The following PDHB variants were observed in gnomAD, a reference collection of about 807,000 sequenced individuals.
The protein encoded by PDHB is pyruvate dehydrogenase E1 component subunit beta, mitochondrial.
A neutral mutation model predicts 42.8 loss-of-function variants in PDHB; 17 were observed. That is an observed-to-expected ratio of 0.40 (90% CI 0.27 to 0.60). PDHB has a LOEUF of 0.60. Ranked by LOEUF, PDHB falls within the 20% of genes least tolerant of loss-of-function variation. The probability of loss-of-function intolerance (pLI) is 0.46; values close to 1 mark genes in which losing one functional copy is unlikely to be tolerated. For missense variants in PDHB, 322 were observed against 451.3 expected (o/e 0.71, Z 2.60); for synonymous variants, 154 against 148.7 (o/e 1.04, Z -0.26).
Position 58,431,710 on chromosome 3 carries a change from G to T in PDHB, c.267+21C>A. On this transcript the variant is annotated intron_variant, in intron 4 of 9. Transcript: ENST00000302746. This position sits in a 1 kb window ranked among gnomAD's most constrained non-coding sequence, Gnocchi z 4.4. ...CTAACAGACATGCCCTCCAGGGTCT[G>T]CTTCCCACTGGAAGGCTTACCTCTG... The T allele has an allele frequency of 6.2e-7, 1 of 1,604,988 alleles. No individual in the cohort carries two copies. The highest frequency in any genetic ancestry group is 8.5e-7 in the Non-Finnish European group (1 of 1,171,614).
Position 58,431,731 on chromosome 3 carries a change from C to T in PDHB, c.267G>A (p.Glu89=). Residue 89 remains glutamate, a splice_region_variant and synonymous_variant, in exon 4 of 10, where the codon GAG becomes GAA. Coordinates refer to ENST00000302746, the MANE Select transcript of PDHB (RefSeq NM_000925.4). The surrounding 1 kb of genome is among the most constrained non-coding windows in gnomAD (Gnocchi z 4.4). ...DKRIIDTPIS[E]MGFAGIAVGA... is the part of the protein sequence containing the mutation. ...GTCTGCTTCCCACTGGAAGGCTTAC[C>T]TCTGATATGGGAGTGTCAATAATCC... 1 of 1,613,056 alleles carries T rather than the reference C, an allele frequency of 6.2e-7. No homozygotes were observed. The highest frequency in any genetic ancestry group is 8.5e-7 in the Non-Finnish European group (1 of 1,179,046).
rs1403374759 is a variant in PDHB, at chr3:58,433,789, C to A, written c.21G>T (p.Leu7Phe). 2 of 1,611,870 alleles carry A rather than the reference C, an allele frequency of 1.2e-6. No individual in the cohort carries two copies. Among genetic ancestry groups the A allele is most frequent in the Non-Finnish European group, 1.7e-6 (2 of 1,179,528 alleles). Residue 7 changes from leucine to phenylalanine, a missense_variant, in exon 1 of 10, where the codon TTG (leucine) becomes TTT (phenylalanine). Coordinates refer to ENST00000302746, the MANE Select transcript of PDHB (RefSeq NM_000925.4). MAAVSG[L>F]VRRPLREVSG... ...CTACCTCCCGAAGGGGTCTCCGCAC[C>A]AAGCCAGACACCGCCGCCATCTTGG...
chr3:58,430,287 G>T, intron 6 of PDHB, 49 bp from the exon 7 acceptor site: 1 of 1,188,308 alleles, frequency 8.4e-7, no homozygotes, highest in Non-Finnish European at 1.2e-6. Flanking sequence ...CATCCAGAAT[G>T]ACTAAAACTG....
rs1181823602 is a variant in PDHB, at chr3:58,431,840, A to G, written c.204+37T>C. 6.2e-7 allele frequency: 1 copy of G among 1,606,538 alleles called. No individual in the cohort carries two copies. Among genetic ancestry groups the G allele is most frequent in the Non-Finnish European group, 8.5e-7 (1 of 1,173,262 alleles). On this transcript the variant is annotated intron_variant, in intron 3 of 9. Coordinates refer to ENST00000302746, the MANE Select transcript of PDHB (RefSeq NM_000925.4). The surrounding 1 kb of genome is among the most constrained non-coding windows in gnomAD (Gnocchi z 4.4). ...TTAAGTGTATCTGGGGGTAACAGTG[A>G]CCTCAATTTTGTATAACTTTCATAT...
In PDHB at chr3:58,431,975, G is replaced by A. The variant is rs763842440; in HGVS notation, c.106C>T (p.Arg36Cys). 6.8e-6 allele frequency: 11 copies of A among 1,610,206 alleles called. No homozygotes were observed. Among genetic ancestry groups the A allele is most frequent in the South Asian group, 1.1e-5 (1 of 90,994 alleles). ...TAPAALQVTV[R>C]DAINQGMDEE... ...TCCATACCCTGATTTATAGCATCAC[G>A]AACTGTCACCTGTCACAGGTATGCA... The change falls in exon 3 of 10, where the codon CGT (arginine) becomes TGT (cysteine). Residue 36 changes from arginine (R) to cysteine (C), a missense_variant. Physicochemically the swap from Arg to Cys is radical, Grantham distance 180 (BLOSUM62 -3). Transcript: ENST00000302746. The surrounding 1 kb of genome is among the most constrained non-coding windows in gnomAD (Gnocchi z 4.4).
chr3:58,433,630 C>T lies in PDHB; in HGVS notation c.96+1G>A. 1 of 1,610,248 alleles carries T rather than the reference C, an allele frequency of 6.2e-7. No homozygotes were observed. Among genetic ancestry groups the T allele is most frequent in the East Asian group, 2.2e-5 (1 of 44,794 alleles). ...GTCCGACGAGCACCCGCGCCTGTTACCTGCAGCGCAGCCGGCGCGGTCCAG... is the reference window on the plus strand; with the variant it reads ...GTCCGACGAGCACCCGCGCCTGTTATCTGCAGCGCAGCCGGCGCGGTCCAG... On this transcript the variant is annotated splice_donor_variant, in intron 2 of 9. Coordinates refer to ENST00000302746, the MANE Select transcript of PDHB (RefSeq NM_000925.4). LOFTEE classifies it high-confidence loss of function.
Position 58,431,091 on chromosome 3 carries a change from G to A in PDHB, c.304-149C>T. The A allele has an allele frequency of 1.3e-6, 1 of 775,078 alleles. No homozygotes were observed. The highest frequency in any genetic ancestry group is 1.6e-5 in the South Asian group (1 of 61,946). 48.0% of individuals were successfully genotyped at this position (775,078 alleles called of 1,614,324 possible). A position where few individuals can be genotyped will look rare whatever the true frequency, so the allele number is the denominator to read the frequency against. Reference sequence around the variant, plus strand: ...ACAGGGTCTCACTGTCACCCATGCTGGAGTGCAGTGGCACACATCATAGCT... The same window carrying A: ...ACAGGGTCTCACTGTCACCCATGCTAGAGTGCAGTGGCACACATCATAGCT... On this transcript the variant is annotated intron_variant, in intron 5 of 9. Transcript: ENST00000302746. The surrounding 1 kb of genome is among the most constrained non-coding windows in gnomAD (Gnocchi z 4.4).
rs1304793869 is a variant in PDHB, at chr3:58,430,063, A to G, written c.700+65T>C. The G allele has an allele frequency of 6.1e-6, 6 of 991,034 alleles. No individual in the cohort carries two copies. In the African/African-American group the frequency reaches 8.1e-5, roughly 13 times the overall value. 61.4% of individuals were successfully genotyped at this position (991,034 alleles called of 1,614,324 possible). A position where few individuals can be genotyped will look rare whatever the true frequency, so the allele number is the denominator to read the frequency against. ...CAAAGTAAATGACAGTAACTTCTAG[A>G]TTAAATTTTACCAAAATTGAGGGGC... On this transcript the variant is annotated intron_variant, in intron 7 of 9. Coordinates refer to ENST00000302746, the MANE Select transcript of PDHB (RefSeq NM_000925.4).
chr3:58,429,439 T>C (rs979350377), intron 8 of PDHB, among the ~76,000 whole-genome samples: 8 of 151,554 alleles, frequency 5.3e-5, no homozygotes, highest in African/African-American at 1.9e-4. Context: ...AAAGCCTGTT[T>C]TTTTCTCTCT....
Position 58,430,668 on chromosome 3 carries a change from T to A in PDHB, c.578A>T (p.Asp193Val). ...AKGLIKSAIR[D>V]NNPVVVLENE... is the part of the protein sequence containing the mutation. The stretch of plus-strand genomic sequence containing the variant: ...GTCCCTGTGCTGACCTGGATTGTTA[T>A]CCCGAATGGCTGATTTAATAAGTCC... The change falls in exon 6 of 10, where the codon GAT (aspartate) becomes GTT (valine). Residue 193 changes from aspartate to valine, a missense_variant. By Grantham distance (152) the Asp-to-Val change is radical. Coordinates refer to ENST00000302746, the MANE Select transcript of PDHB (RefSeq NM_000925.4). The A allele has an allele frequency of 6.2e-7, 1 of 1,613,540 alleles. No individual in the cohort carries two copies.
chr3:58,428,669 T>C (rs1186283815), intron 8 of PDHB, 55 bp from the exon 9 acceptor site: 6 of 1,453,530 alleles, frequency 4.1e-6, no homozygotes, highest in Non-Finnish European at 5.8e-6. Context: ...AATAGAGCCT[T>C]ATCCCCATAA....
chr3:58,430,300 T>C (rs2062909452), intron 6 of PDHB, 62 bp from the exon 7 acceptor site: 4 of 1,055,020 alleles, frequency 3.8e-6, no homozygotes, highest in Admixed American at 3.6e-5. Flanking sequence ...TAAAACTGCA[T>C]AGAAAGCAAT....
rs2062943716 is a variant in PDHB at position 58,433,645 on chromosome 3, G to A, written c.82C>T (p.Pro28Ser). 2 of 1,611,820 alleles carry A rather than the reference G, an allele frequency of 1.2e-6. No individual in the cohort carries two copies. Among genetic ancestry groups the A allele is most frequent in the East Asian group, 2.2e-5 (1 of 44,838 alleles). ...LLKRRFHWTA[P>S]AALQVTVRDA... ...GCGCCTGTTACCTGCAGCGCAGCCG[G>A]CGCGGTCCAGTGAAAGCGCCTCTTC... The change falls in exon 2 of 10, where the codon CCG (proline) becomes TCG (serine). Residue 28 changes from proline (P) to serine (S), a missense_variant. Physicochemically the swap from Pro to Ser is moderately conservative, Grantham distance 74. Around this residue, in one of 3 missense-constraint regions of PDHB, gnomAD observed 58 missense variants for 42.1 expected, o/e 1.38. Transcript: ENST00000302746.
rs267599918 is a variant in PDHB, at chr3:58,428,124, G to A, written c.990C>T (p.Val330=). ...APAVRVTGAD[V]PMPYAKILED... ...CTAGAATCTTTGCATAAGGCATAGG[G>A]ACATCAGCACCAGTGACACGAACAG... The change falls in exon 10 of 10, where the codon GTC becomes GTT. Residue 330 remains valine (V), a synonymous_variant. Coordinates refer to ENST00000302746, the MANE Select transcript of PDHB (RefSeq NM_000925.4). 2.5e-6 allele frequency: 4 copies of A among 1,612,332 alleles called. No homozygotes were observed. The highest frequency in any genetic ancestry group is 2.5e-6 in the Non-Finnish European group (3 of 1,178,318).
rs2062917318 is a variant in PDHB, at chr3:58,431,203, C to T, written c.304-261G>A. ...CTGCAGGCAAGCACCACCACATCTA[C>T]CTACTTGGTATTTTTTTTTTTTCCC... On this transcript the variant is annotated intron_variant, in intron 5 of 9. Coordinates refer to ENST00000302746, the MANE Select transcript of PDHB (RefSeq NM_000925.4). The surrounding 1 kb of genome is among the most constrained non-coding windows in gnomAD (Gnocchi z 4.4). The T allele has an allele frequency of 2.4e-5, 13 of 541,174 alleles. No individual in the cohort carries two copies. In the South Asian group the frequency reaches 2.6e-4, roughly 11 times the overall value. 33.5% of individuals were successfully genotyped at this position (541,174 alleles called of 1,614,324 possible). A position where few individuals can be genotyped will look rare whatever the true frequency, so the allele number is the denominator to read the frequency against.
intron 8 of PDHB, among the ~76,000 whole-genome samples, chr3:58,429,464 G>C (rs1356947758): frequency 3.3e-5 from 5 of 151,686 alleles, no homozygotes; most frequent in Non-Finnish European, 2.9e-5. Flanking sequence ...GGGTATCACT[G>C]AGAACCAGAA....
At chr3:58,430,261 C>A in intron 6 of PDHB, 23 bp from the exon 7 acceptor site, 1 of 1,429,700 alleles carries the variant, frequency 7.0e-7, no homozygotes, top group Middle Eastern at 1.8e-4. Flanking sequence ...AATATTTAAA[C>A]AAAAGTAATT....
In PDHB at chr3:58,428,037, A is replaced by T. The variant is rs1369767439; in HGVS notation, c.1077T>A (p.Ile359=). 1.2e-6 allele frequency: 2 copies of T among 1,604,044 alleles called. No homozygotes were observed. The highest frequency in any genetic ancestry group is 1.7e-6 in the Non-Finnish European group (2 of 1,170,874). The change falls in exon 10 of 10, where the codon ATT becomes ATA. Residue 359 remains isoleucine, a synonymous_variant. Transcript: ENST00000302746. ...CGACTTGATATTCAAGTCCAAACTA[A>T]ATATTTAATGTTTTCTTTATTGCAA... ...IIFAIKKTLN[I] is the part of the protein sequence containing the mutation.
At position 58,431,503 on chromosome 3, in the gene PDHB, G is replaced by C. The variant is rs1349080739; in HGVS notation, c.303+90C>G. ...CTGAGATGGTGCCAGTGCACTCCAG[G>C]CTGGACAACAGAGTGAGACTCTGTC... On this transcript the variant is annotated intron_variant, in intron 5 of 9. Coordinates refer to ENST00000302746, the MANE Select transcript of PDHB (RefSeq NM_000925.4). The surrounding 1 kb of genome is among the most constrained non-coding windows in gnomAD (Gnocchi z 4.4). The C allele has an allele frequency of 5.8e-6, 6 of 1,038,094 alleles. No individual in the cohort carries two copies. The highest frequency in any genetic ancestry group is 7.6e-6 in the Non-Finnish European group (5 of 661,216). The allele number at this position is 1,038,094 out of a possible 1,614,324, so 64.3% of individuals were successfully genotyped here. A position where few individuals can be genotyped will look rare whatever the true frequency, so the allele number is the denominator to read the frequency against.
Sources: gnomAD v4.1 joint callset for allele counts (sites outside exome capture counted in the v4.1 genomes callset) on GRCh38, gnomAD v4.1.1 for gene constraint, gnomAD v4.1.1 regional missense constraint, Gnocchi (gnomAD v3.1) non-coding constraint, MANE v1.5 for transcripts, NCBI Gene and HGNC (gene_info 2026-07-23, HGNC 2026-07-21) for gene names.